ADAMTSL1: variants seen among roughly 807,000 people sequenced by gnomAD.
ADAMTSL1 encodes the protein ADAMTS like 1.
Under a neutral mutation model 201.8 loss-of-function variants are expected in ADAMTSL1, and 126 were observed. The observed-to-expected ratio is 0.62, with a 90% confidence interval of 0.54 to 0.72. ADAMTSL1 has a LOEUF of 0.72. Among genes scored for constraint, ADAMTSL1 ranks in the 30% least tolerant of loss-of-function variants. The pLI is 0.00. For missense variants in ADAMTSL1, 2,679 were observed against 2,277.8 expected (o/e 1.18, Z -3.59); for synonymous variants, 1,121 against 903.4 (o/e 1.24, Z -4.32).
intron 2 of ADAMTSL1, among the ~76,000 whole-genome samples, chr9:18,399,689 G>C (rs374591294): frequency 6.6e-6 from 1 of 151,942 alleles, no homozygotes; most frequent in Non-Finnish European, 1.5e-5. Context: ...TTAGAATACT[G>C]TATGCCATAG....
chr9:17,933,786 G>A (rs551717515), intron 1 of ADAMTSL1, among the ~76,000 whole-genome samples: 1 of 152,222 alleles, frequency 6.6e-6, no homozygotes, highest in South Asian at 2.1e-4. Flanking sequence ...CATGAGAACA[G>A]CAAGGGAGAA....
Position 18,509,401 on chromosome 9 carries a change from G to A in ADAMTSL1, c.191+4445G>A, listed in dbSNP as rs72688621. Among the ~76,000 whole-genome samples, 621 of 152,152 alleles carry A rather than the reference G, an allele frequency of 4.1e-3. 10 individuals are homozygous for A. Among genetic ancestry groups the A allele is most frequent in the East Asian group, 8.7e-3 (45 of 5,166 alleles). On this transcript the variant is annotated intron_variant, in intron 2 of 28. Transcript: ENST00000380548. ...CCTTACGCTAATGGTAACTCTAATTGGTGTAGCAATTATTCATTGCCACAG... is the reference window on the plus strand; with the variant it reads ...CCTTACGCTAATGGTAACTCTAATTAGTGTAGCAATTATTCATTGCCACAG...
chr9:18,667,269 G>C (rs1329349010), intron 9 of ADAMTSL1, among the ~76,000 whole-genome samples: 1 of 115,116 alleles, frequency 8.7e-6, no homozygotes, highest in Non-Finnish European at 1.8e-5. Flanking sequence ...TGCATAAATT[G>C]TCTCTGGCCA....
intron 1 of ADAMTSL1, among the ~76,000 whole-genome samples, chr9:18,488,352 C>G (rs182216862): frequency 6.6e-6 from 1 of 152,166 alleles, no homozygotes; most frequent in African/African-American, 2.4e-5. Flanking sequence ...TAGCTTCCCA[C>G]GTTTGGTCAG....
chr9:18,797,985 A>AT (rs1208940254), intron 20 of ADAMTSL1, among the ~76,000 whole-genome samples: 2 of 152,098 alleles, frequency 1.3e-5, no homozygotes, highest in African/African-American at 4.8e-5. Context: ...TTAGAAACTG[A>AT]TTCAGTTCAC....
chr9:18,128,675 G>A (rs1265265382), intron 1 of ADAMTSL1, among the ~76,000 whole-genome samples: 1 of 152,066 alleles, frequency 6.6e-6, no homozygotes, highest in African/African-American at 2.4e-5. Context: ...AGAATCACTA[G>A]GATTCTAGAA....
At chr9:18,432,817 C>T (rs1170024425) in intron 2 of ADAMTSL1, among the ~76,000 whole-genome samples, 1 of 152,122 alleles carries the variant, frequency 6.6e-6, no homozygotes, top group Non-Finnish European at 1.5e-5. Flanking sequence ...GATGGTTCTT[C>T]TATGAGTTAA....
intron 20 of ADAMTSL1, among the ~76,000 whole-genome samples, chr9:18,813,235 A>AT (rs771369557): frequency 6.6e-6 from 1 of 152,156 alleles, no homozygotes; most frequent in South Asian, 2.1e-4. Context: ...AAGTGCTGGG[A>AT]TTACAGGCAT....
intron 3 of ADAMTSL1, among the ~76,000 whole-genome samples, chr9:18,567,922 A>G (rs1822030829): frequency 6.6e-6 from 1 of 152,210 alleles, no homozygotes; most frequent in South Asian, 2.1e-4. Context: ...AAAAACCTCT[A>G]TTGTACTATT....
intron 1 of ADAMTSL1, among the ~76,000 whole-genome samples, chr9:18,124,730 T>A (rs569553432): frequency 6.8e-4 from 103 of 152,256 alleles, no homozygotes; most frequent in African/African-American, 2.4e-3. Context: ...AGAAAAAAAA[T>A]GGAAAGCCAT....
At chr9:18,226,263 C>T (rs772654082) in intron 2 of ADAMTSL1, among the ~76,000 whole-genome samples, 34 of 152,058 alleles carry the variant, frequency 2.2e-4, no homozygotes, top group Non-Finnish European at 3.8e-4. Flanking sequence ...CGTACTTATA[C>T]CCTTCATCGT....
chr9:17,937,745 T>C (rs977006802), intron 1 of ADAMTSL1, among the ~76,000 whole-genome samples: 2 of 152,034 alleles, frequency 1.3e-5, no homozygotes, highest in Non-Finnish European at 2.9e-5. Flanking sequence ...AAATAAACAA[T>C]AAAACACTCC....
intron 2 of ADAMTSL1, among the ~76,000 whole-genome samples, chr9:18,350,754 G>A (rs138682417): frequency 2.3e-4 from 35 of 152,240 alleles, no homozygotes; most frequent in African/African-American, 7.9e-4. Flanking sequence ...GCCAGACAGA[G>A]ACCTCATGTT....
At chr9:18,598,712 C>T (rs545531550) in intron 4 of ADAMTSL1, among the ~76,000 whole-genome samples, 1 of 152,218 alleles carries the variant, frequency 6.6e-6, no homozygotes, top group East Asian at 1.9e-4. Flanking sequence ...AGTGCAAACC[C>T]ACTGCACCTG....
rs75385383 is a variant in ADAMTSL1, at chr9:18,464,774, C to T, written c.208-40055C>T. On this transcript the variant is annotated intron_variant, in intron 2 of 29. Transcript: ENST00000680146. ...CCAAACAAATTGAAAGCTCATTTAGCGTAAAATTGCAGTGCAAAAAAGACA... is the reference window on the plus strand; with the variant it reads ...CCAAACAAATTGAAAGCTCATTTAGTGTAAAATTGCAGTGCAAAAAAGACA... Among the ~76,000 whole-genome samples the T allele has an allele frequency of 2.8e-3, 428 of 152,086 alleles. 1 individual carries two copies. Among genetic ancestry groups the T allele is most frequent in the African/African-American group, 9.6e-3 (399 of 41,506 alleles).
At chr9:18,680,263 G>A (rs1335781325) in intron 10 of ADAMTSL1, 49 bp from the exon 11 acceptor site, 2 of 1,572,646 alleles carry the variant, frequency 1.3e-6, no homozygotes, top group Admixed American at 1.8e-5. Flanking sequence ...TCACTGAGGA[G>A]GCTTAGCAAT....
intron 2 of ADAMTSL1, among the ~76,000 whole-genome samples, chr9:18,179,739 G>T (rs1423385370): frequency 2.6e-5 from 4 of 152,068 alleles, no homozygotes; most frequent in African/African-American, 7.2e-5. Flanking sequence ...TTAAAGAAAA[G>T]AATTTTCAAC....
chr9:18,317,318 A>G (rs1834441688), intron 2 of ADAMTSL1, among the ~76,000 whole-genome samples: 1 of 152,114 alleles, frequency 6.6e-6, no homozygotes, highest in Non-Finnish European at 1.5e-5. Context: ...TCGAATGTAC[A>G]GCATGGTGAC....
chr9:18,775,451 T>C (rs1796925773), intron 17 of ADAMTSL1, among the ~76,000 whole-genome samples: 1 of 152,180 alleles, frequency 6.6e-6, no homozygotes, highest in African/African-American at 2.4e-5. Context: ...ACTAGTGAAA[T>C]ACTGAGCTGG....
Sources: allele counts gnomAD v4.1 joint callset (sites outside exome capture counted in the v4.1 genomes callset), GRCh38; gene constraint gnomAD v4.1.1; transcripts MANE v1.5; gene names NCBI Gene and HGNC (gene_info 2026-07-23, HGNC 2026-07-21).